The following PGBD2 variants were observed in gnomAD, a reference collection of about 807,000 sequenced individuals.
PGBD2 encodes the protein piggyBac transposable element-derived protein 2.
A neutral mutation model predicts 8.1 loss-of-function variants in PGBD2; 6 were observed. That is an observed-to-expected ratio of 0.74 (90% CI 0.40 to 1.46). The LOEUF (loss-of-function observed/expected upper bound fraction) is 1.46. Ranked by LOEUF, PGBD2 falls within the 40% of genes most tolerant of loss-of-function variation. The pLI is 0.02. For missense variants in PGBD2, 802 were observed against 739.0 expected, an observed-to-expected ratio of 1.09 and a Z score of -0.99; for synonymous variants, 318 against 272.2, an observed-to-expected ratio of 1.17 and a Z score of -1.66.
the PGBD2 span, among the ~76,000 whole-genome samples, chr1:248,892,881 A>G: frequency 6.6e-6 from 1 of 152,184 alleles, no homozygotes; most frequent in Non-Finnish European, 1.5e-5. Context: ...CACCTCTGAG[A>G]GAAACTCTGG....
At chr1:248,914,697 A>C (rs934924178) in intron 2 of PGBD2, 2 of 943,290 alleles carry the variant, frequency 2.1e-6, no homozygotes, top group African/African-American at 3.5e-5. Context: ...TGCTGAGTCC[A>C]TTCTCATAGC....
chr1:248,900,097 C>CAAAAAAAA, the PGBD2 span, among the ~76,000 whole-genome samples: 2 of 49,472 alleles, frequency 4.0e-5, no homozygotes, highest in African/African-American at 1.0e-4. Flanking sequence ...AATAGCCTAC[C>CAAAAAAAA]AAAAAAAAAA....
upstream of PGBD2, among the ~76,000 whole-genome samples, chr1:248,903,423 A>C (rs975220082): frequency 6.6e-6 from 1 of 152,182 alleles, no homozygotes; most frequent in Admixed American, 6.5e-5. Context: ...TCTTGGCCTC[A>C]GGCGATTCTC....
At chr1:248,904,871 A>G (rs148572543), upstream of PGBD2, among the ~76,000 whole-genome samples, 91 of 152,232 alleles carry the variant, frequency 6.0e-4, 1 homozygote, top group African/African-American at 2.1e-3. Flanking sequence ...GACATGCCAT[A>G]TATTTTGTTT....
At position 248,918,283 on chromosome 1, in the gene PGBD2, C is replaced by A; in HGVS notation, c.1699C>A (p.His567Asn). Residue 567 changes from histidine to asparagine, a missense_variant, in exon 3 of 3, where the codon CAC becomes AAC. Coordinates refer to ENST00000329291, the MANE Select transcript of PGBD2 (RefSeq NM_170725.3). Reference protein sequence around the residue: ...QDKRTRCALCHSQTNTRCEKC... With the variant: ...QDKRTRCALCNSQTNTRCEKC... ...CAAGAGGACCCGGTGTGCCCTCTGC[C>A]ACTCACAGACCAACACCCGGTGTGA... The A allele has an allele frequency of 6.2e-7, 1 of 1,606,170 alleles. No homozygotes were observed. Among genetic ancestry groups the A allele is most frequent in the Non-Finnish European group, 8.5e-7 (1 of 1,175,776 alleles).
At chr1:248,879,153 G>A in the PGBD2 span, among the ~76,000 whole-genome samples, 3 of 152,214 alleles carry the variant, frequency 2.0e-5, no homozygotes, top group African/African-American at 7.2e-5. Flanking sequence ...AGCGTAAGCT[G>A]CTCACAGCGC....
chr1:248,882,467 A>G, the PGBD2 span, among the ~76,000 whole-genome samples: 10 of 152,226 alleles, frequency 6.6e-5, 1 homozygote, highest in Admixed American at 1.3e-4. Context: ...CAGCAGTAAC[A>G]GTTGCAGGAA....
rs757638511 is a variant in PGBD2, at chr1:248,916,989, A to C, written c.405A>C (p.Lys135Asn). 1.9e-6 allele frequency: 3 copies of C among 1,611,932 alleles called. No individual in the cohort carries two copies. The highest frequency in any genetic ancestry group is 2.5e-6 in the Non-Finnish European group (3 of 1,179,504). ...CAGATCCTCATATTGAGGATCTGAAAAGCCAAGAGCTGAGTCCCGTGGGCC... is the reference window on the plus strand; with the variant it reads ...CAGATCCTCATATTGAGGATCTGAACAGCCAAGAGCTGAGTCCCGTGGGCC... Reference protein sequence around the residue: ...TASDPHIEDLKSQELSPVGLF... With the variant: ...TASDPHIEDLNSQELSPVGLF... Residue 135 changes from lysine to asparagine, a missense_variant, in exon 3 of 3, where the codon AAA becomes AAC. Coordinates refer to ENST00000329291, the MANE Select transcript of PGBD2 (RefSeq NM_170725.3).
chr1:248,891,382 T>C, the PGBD2 span, among the ~76,000 whole-genome samples: 1 of 152,080 alleles, frequency 6.6e-6, no homozygotes, highest in Non-Finnish European at 1.5e-5. Context: ...TTGAGAAAAT[T>C]TGTGATTGTG....
chr1:248,892,243 TTCCC>T, the PGBD2 span, among the ~76,000 whole-genome samples: 166 of 100,020 alleles, frequency 1.7e-3, 1 homozygote, highest in South Asian at 0.022. Context: ...TGTTCCTTCC[TTCCC>T]TCCCTCCCTC....
chr1:248,915,579 C>T (rs1429222290), intron 2 of PGBD2, among the ~76,000 whole-genome samples: 1 of 152,138 alleles, frequency 6.6e-6, no homozygotes, highest in Non-Finnish European at 1.5e-5. Flanking sequence ...ACATTTTTAA[C>T]TCATGATGGG....
downstream of PGBD2, among the ~76,000 whole-genome samples, chr1:248,924,117 C>T (rs185838933): frequency 9.8e-5 from 15 of 152,324 alleles, no homozygotes; most frequent in Non-Finnish European, 1.5e-4. Context: ...GCCCCTATAG[C>T]GTGGGAGCAG....
At chr1:248,880,395 T>C in the PGBD2 span, among the ~76,000 whole-genome samples, 1 of 152,216 alleles carries the variant, frequency 6.6e-6, no homozygotes, top group Non-Finnish European at 1.5e-5. Context: ...GTGTAAGCCG[T>C]ATGTATTTTT....
upstream of PGBD2, chr1:248,906,121 C>T (rs754879736): frequency 6.6e-6 from 1 of 151,078 alleles, no homozygotes; most frequent in Admixed American, 6.6e-5. Context: ...TTTCGGGATC[C>T]CTCTAGGCGC....
intron 1 of PGBD2, among the ~76,000 whole-genome samples, chr1:248,913,356 GC>G (rs1466595804): frequency 6.6e-6 from 1 of 152,170 alleles, no homozygotes; most frequent in Non-Finnish European, 1.5e-5. Flanking sequence ...CTTTCTCTCT[GC>G]AGCTTTGTTT....
chr1:248,918,316 C>T lies in PGBD2; in HGVS notation c.1732C>T (p.Gln578Ter). ...GACCAACACCCGGTGTGAGAAGTGC[C>T]AGAAGGGTGTCCATGCCAAATGCTT... ...SQTNTRCEKC[Q>*]KGVHAKCFRE... The change falls in exon 3 of 3, where the codon CAG (glutamine) becomes TAG (stop). Residue 578 changes from glutamine to a stop codon, truncating the protein, a stop_gained. Coordinates refer to ENST00000329291, the MANE Select transcript of PGBD2 (RefSeq NM_170725.3). LOFTEE classifies it high-confidence loss of function. 1 of 1,582,306 alleles carries T rather than the reference C, an allele frequency of 6.3e-7. No homozygotes were observed. The highest frequency in any genetic ancestry group is 1.2e-5 in the South Asian group (1 of 84,682).
At chr1:248,874,257 G>A in the PGBD2 span, among the ~76,000 whole-genome samples, 3 of 152,292 alleles carry the variant, frequency 2.0e-5, no homozygotes, top group Middle Eastern at 3.4e-3. Context: ...TTCCCTGGTG[G>A]TCTAGTGGTT....
At chr1:248,914,102 T>C (rs528768573) in intron 2 of PGBD2, among the ~76,000 whole-genome samples, 5 of 152,332 alleles carry the variant, frequency 3.3e-5, no homozygotes, top group African/African-American at 1.2e-4. Flanking sequence ...ATGTTTACAC[T>C]CGATAGAAAA....
At chr1:248,924,741 C>T (rs970382068), downstream of PGBD2, among the ~76,000 whole-genome samples, 4 of 152,160 alleles carry the variant, frequency 2.6e-5, no homozygotes, top group Non-Finnish European at 5.9e-5. Context: ...CTGGTTGATG[C>T]CTCCTGTGTG....
Sources: allele counts gnomAD v4.1 joint callset (sites outside exome capture counted in the v4.1 genomes callset), GRCh38; gene constraint gnomAD v4.1.1; transcripts MANE v1.5; gene names NCBI Gene and HGNC (gene_info 2026-07-23, HGNC 2026-07-21).